CPEB3: variants seen among roughly 807,000 people sequenced by gnomAD.
The protein encoded by CPEB3 is cytoplasmic polyadenylation element binding protein 3.
In CPEB3, 20 loss-of-function variants were observed where a neutral mutation model predicts 67.2. That is an observed-to-expected ratio of 0.30 (90% CI 0.21 to 0.43). The LOEUF (loss-of-function observed/expected upper bound fraction) is 0.43. Among genes scored for constraint, CPEB3 ranks in the 20% least tolerant of loss-of-function variants. CPEB3 has a pLI of 1.00. For missense variants in CPEB3, 746 were observed against 968.6 expected, an observed-to-expected ratio of 0.77 and a Z score of 3.05; for synonymous variants, 376 against 393.1, an observed-to-expected ratio of 0.96 and a Z score of 0.51.
chr10:92,201,223 G>A (rs1454783778), intron 2 of CPEB3, among the ~76,000 whole-genome samples: 1 of 152,006 alleles, frequency 6.6e-6, no homozygotes, highest in Non-Finnish European at 1.5e-5. Flanking sequence ...AGAAGAGAAG[G>A]CATCAAAAAA....
intron 2 of CPEB3, among the ~76,000 whole-genome samples, chr10:92,234,037 T>TG (rs1851403420): frequency 7.0e-6 from 1 of 142,728 alleles, no homozygotes; most frequent in African/African-American, 2.6e-5. Flanking sequence ...AACCCAGAGA[T>TG]GGAGGTTGCA....
chr10:92,068,072 C>T (rs1479277659), intron 9 of CPEB3, among the ~76,000 whole-genome samples: 1 of 152,180 alleles, frequency 6.6e-6, no homozygotes, highest in African/African-American at 2.4e-5. Flanking sequence ...CCTTTGTGCC[C>T]TTCCCACAGT....
intron 4 of CPEB3, among the ~76,000 whole-genome samples, chr10:92,175,508 C>A (rs1296319625): frequency 2.0e-5 from 3 of 152,078 alleles, no homozygotes; most frequent in African/African-American, 7.2e-5. Flanking sequence ...TTGCAAGAAA[C>A]TGTCAAATTG....
intron 2 of CPEB3, among the ~76,000 whole-genome samples, chr10:92,233,532 A>T (rs78158528): frequency 1.0e-4 from 13 of 130,428 alleles, no homozygotes; most frequent in Non-Finnish European, 1.9e-4. Context: ...TTCTGTCTTT[A>T]AAAAAAAAAA....
chr10:92,211,315 T>C (rs1850071527), intron 2 of CPEB3, among the ~76,000 whole-genome samples: 1 of 152,142 alleles, frequency 6.6e-6, no homozygotes, highest in Non-Finnish European at 1.5e-5. Context: ...TCTTACATTG[T>C]CTTTGTAAAT....
intron 9 of CPEB3, among the ~76,000 whole-genome samples, chr10:92,069,877 T>C (rs867773896): frequency 1.3e-5 from 2 of 152,124 alleles, no homozygotes; most frequent in Non-Finnish European, 2.9e-5. Context: ...TGACAGATAA[T>C]CTCAAATAAT....
chr10:92,121,318 T>C (rs2133613117), intron 6 of CPEB3, among the ~76,000 whole-genome samples: 1 of 149,304 alleles, frequency 6.7e-6, no homozygotes, highest in South Asian at 2.1e-4. Context: ...TACAACTTAC[T>C]CTTAAATGGC....
intron 7 of CPEB3, among the ~76,000 whole-genome samples, chr10:92,109,712 T>C (rs1227762779): frequency 6.6e-6 from 1 of 152,208 alleles, no homozygotes; most frequent in Non-Finnish European, 1.5e-5. Flanking sequence ...TTCCACATCA[T>C]TTGCTTACTC....
chr10:92,210,562 G>A (rs974522293), intron 2 of CPEB3, among the ~76,000 whole-genome samples: 1 of 152,060 alleles, frequency 6.6e-6, no homozygotes, highest in Non-Finnish European at 1.5e-5. Context: ...AAACATACAC[G>A]CACACATACA....
chr10:92,167,838 G>A (rs1847817205), intron 4 of CPEB3, among the ~76,000 whole-genome samples: 3 of 152,150 alleles, frequency 2.0e-5, no homozygotes, highest in Admixed American at 2.0e-4. Flanking sequence ...AACCCGGGAG[G>A]CAGAGGTTGC....
intron 7 of CPEB3, among the ~76,000 whole-genome samples, chr10:92,098,553 A>T (rs1369565347): frequency 6.6e-6 from 1 of 152,130 alleles, no homozygotes; most frequent in African/African-American, 2.4e-5. Flanking sequence ...CAACCACCTC[A>T]GTGTGAAGTT....
intron 1 of CPEB3, among the ~76,000 whole-genome samples, chr10:92,245,689 TC>T (rs1052147682): frequency 2.0e-5 from 3 of 152,186 alleles, no homozygotes; most frequent in African/African-American, 7.2e-5. Flanking sequence ...TTAATGTTAT[TC>T]CTGAAGACTT....
chr10:92,084,917 C>G (rs374787414), intron 8 of CPEB3, among the ~76,000 whole-genome samples: 2 of 152,214 alleles, frequency 1.3e-5, no homozygotes, highest in East Asian at 3.9e-4. Flanking sequence ...AATACTATGA[C>G]CACCCTTGAA....
intron 4 of CPEB3, among the ~76,000 whole-genome samples, chr10:92,172,547 G>A (rs1422037958): frequency 6.6e-6 from 1 of 152,168 alleles, no homozygotes; most frequent in African/African-American, 2.4e-5. Flanking sequence ...AAAATCACAC[G>A]GGATTAGGAA....
intron 2 of CPEB3, among the ~76,000 whole-genome samples, chr10:92,206,380 G>T (rs1312265315): frequency 3.3e-5 from 5 of 152,046 alleles, no homozygotes; most frequent in Non-Finnish European, 7.4e-5. Flanking sequence ...GCCTCAGAAA[G>T]TCTTAATATA....
intron 4 of CPEB3, among the ~76,000 whole-genome samples, chr10:92,174,095 CAAT>C (rs1392019914): frequency 2.6e-5 from 4 of 152,156 alleles, no homozygotes; most frequent in African/African-American, 4.8e-5. Context: ...ACAGAAACAA[CAAT>C]GTGTTCTTCA....
intron 6 of CPEB3, among the ~76,000 whole-genome samples, chr10:92,117,324 CT>C (rs35220275): frequency 1.5e-3 from 117 of 79,978 alleles, no homozygotes; most frequent in East Asian, 7.0e-3. Context: ...GCCTGGCTGA[CT>C]TTTTTTTTTT....
At chr10:92,274,339 C>T (rs1841880142) in intron 1 of CPEB3, among the ~76,000 whole-genome samples, 1 of 152,224 alleles carries the variant, frequency 6.6e-6, no homozygotes, top group South Asian at 2.1e-4. Flanking sequence ...CTGCCTCACA[C>T]ATGGCTGCTC....
At chr10:92,215,756 TTTC>T (rs1564875804) in intron 2 of CPEB3, among the ~76,000 whole-genome samples, 3 of 142,160 alleles carry the variant, frequency 2.1e-5, no homozygotes, top group African/African-American at 7.9e-5. Context: ...TTTTTTTTTT[TTTC>T]TTTTTTTTGA....
Sources: gnomAD v4.1 joint callset for allele counts (sites outside exome capture counted in the v4.1 genomes callset) on GRCh38, gnomAD v4.1.1 for gene constraint, MANE v1.5 for transcripts, NCBI Gene and HGNC (gene_info 2026-07-23, HGNC 2026-07-21) for gene names.